The following AOPEP variants were observed in gnomAD, a reference collection of about 807,000 sequenced individuals.
AOPEP encodes aminopeptidase O.
Under a neutral mutation model 98.1 loss-of-function variants are expected in AOPEP, and 77 were observed. That is an observed-to-expected ratio of 0.78 (90% CI 0.65 to 0.95). The LOEUF (loss-of-function observed/expected upper bound fraction) is 0.95. Ranked by LOEUF, AOPEP falls within the 40% of genes least tolerant of loss-of-function variation. AOPEP has a pLI of 0.00. For synonymous variants in AOPEP, 346 were observed against 365.3 expected (o/e 0.95, Z 0.60); for missense variants, 1,024 against 1,024.7 (o/e 1.00, Z 0.01).
At chr9:94,998,022 T>C (rs544396476) in intron 11 of AOPEP, among the ~76,000 whole-genome samples, 1 of 152,166 alleles carries the variant, frequency 6.6e-6, no homozygotes, top group East Asian at 1.9e-4. Flanking sequence ...GGTTATAATG[T>C]CCATGAATAT....
chr9:95,044,318 T>C (rs371402367), intron 13 of AOPEP, among the ~76,000 whole-genome samples: 155 of 150,618 alleles, frequency 1.0e-3, no homozygotes, highest in African/African-American at 3.7e-3. Context: ...TGGGCACAAA[T>C]GGAAACTTAG....
At chr9:94,807,079 C>A (rs1588311785) in intron 5 of AOPEP, among the ~76,000 whole-genome samples, 1 of 152,248 alleles carries the variant, frequency 6.6e-6, no homozygotes, top group Middle Eastern at 3.4e-3. Flanking sequence ...CATTGAAGAT[C>A]AGCATTCACT....
Position 95,082,555 on chromosome 9 carries a change from T to C in AOPEP, c.2320-20T>C, listed in dbSNP as rs1251123996. On this transcript the variant is annotated intron_variant, in intron 15 of 16. Transcript: ENST00000375315. ...TACCCACACCTTCGCCTGATGCCCT[T>C]TGGCCTCTGTGCCCTGCAGGCCATG... 22 of 1,613,428 alleles carry C rather than the reference T, an allele frequency of 1.4e-5. No individual in the cohort carries two copies. Among genetic ancestry groups the C allele is most frequent in the Non-Finnish European group, 1.9e-5 (22 of 1,179,688 alleles).
chr9:95,119,215 A>T, the AOPEP span, among the ~76,000 whole-genome samples: 26 of 152,174 alleles, frequency 1.7e-4, no homozygotes, highest in Admixed American at 5.9e-4. Flanking sequence ...TATATATTCA[A>T]GTCTTTTGTC....
At chr9:95,099,604 C>T in the AOPEP span, 2 of 231,058 alleles carry the variant, frequency 8.7e-6, no homozygotes. Context: ...CAGCTCCCCA[C>T]CTTTGAGCAT....
At chr9:94,793,125 G>A (rs1315316805) in intron 4 of AOPEP, among the ~76,000 whole-genome samples, 1 of 152,190 alleles carries the variant, frequency 6.6e-6, no homozygotes, top group Admixed American at 6.5e-5. Flanking sequence ...CAACACTTTG[G>A]GAGGCCGAGG....
At chr9:94,916,256 G>A (rs942510260) in intron 5 of AOPEP, among the ~76,000 whole-genome samples, 2 of 152,152 alleles carry the variant, frequency 1.3e-5, no homozygotes, top group African/African-American at 4.8e-5. Flanking sequence ...GCCGTGGGGA[G>A]GTGAGGGAGT....
At chr9:94,776,395 G>A (rs773601015) in intron 3 of AOPEP, among the ~76,000 whole-genome samples, 18 of 152,200 alleles carry the variant, frequency 1.2e-4, no homozygotes, top group South Asian at 2.1e-4. Flanking sequence ...TCTGCTTTCC[G>A]GGTTCAAGCA....
Position 95,005,196 on chromosome 9 carries a change from G to A in AOPEP, c.2016G>A (p.Gly672=). 1 of 1,140,640 alleles carries A rather than the reference G, an allele frequency of 8.8e-7. No homozygotes were observed. The highest frequency in any genetic ancestry group is 3.5e-5 in the South Asian group (1 of 28,678). 70.7% of individuals were successfully genotyped at this position (1,140,640 alleles called of 1,614,324 possible). Residue 672 remains glycine (G), a synonymous_variant, in exon 12 of 17, where the codon GGG becomes GGA. Coordinates refer to ENST00000375315, the MANE Select transcript of AOPEP (RefSeq NM_001193329.3). The part of the protein sequence containing the change: ...QRERRAGAEC[G]LARQVRAEVT... The stretch of plus-strand genomic sequence containing the variant: ...AGCGTCGCGCCGGGGCGGAGTGCGG[G>A]CTTGCGCGGCAAGTGCGCGCCGAGG...
At chr9:94,858,191 T>C (rs2044475740) in intron 5 of AOPEP, among the ~76,000 whole-genome samples, 1 of 152,188 alleles carries the variant, frequency 6.6e-6, no homozygotes, top group Non-Finnish European at 1.5e-5. Context: ...AGGGTATGTA[T>C]AGTGGAAATG....
At chr9:94,916,123 T>C (rs1179961313) in intron 5 of AOPEP, among the ~76,000 whole-genome samples, 1 of 152,178 alleles carries the variant, frequency 6.6e-6, no homozygotes, top group Non-Finnish European at 1.5e-5. Context: ...GTTCTGGAAA[T>C]GGAGCAAAAC....
At chr9:95,027,236 T>G (rs755559724) in intron 13 of AOPEP, among the ~76,000 whole-genome samples, 11 of 152,026 alleles carry the variant, frequency 7.2e-5, no homozygotes, top group Non-Finnish European at 1.5e-4. Context: ...TACCCCAGTG[T>G]GGGTGACAGA....
intron 9 of AOPEP, among the ~76,000 whole-genome samples, chr9:94,962,409 G>A (rs2058905797): frequency 6.6e-6 from 1 of 152,216 alleles, no homozygotes. Context: ...CAGTTCACCA[G>A]TACTGCTACT....
At chr9:95,088,937 C>T (rs533536466), downstream of AOPEP, among the ~76,000 whole-genome samples, 11 of 152,340 alleles carry the variant, frequency 7.2e-5, no homozygotes, top group African/African-American at 2.4e-4. Flanking sequence ...TGCCAGGAGT[C>T]GGCCTTTGCT....
chr9:94,914,921 T>C (rs913111110), intron 5 of AOPEP, among the ~76,000 whole-genome samples: 1 of 152,228 alleles, frequency 6.6e-6, no homozygotes, highest in African/African-American at 2.4e-5. Flanking sequence ...AAATATTTCA[T>C]GGAACATACA....
chr9:94,965,719 A>G (rs1460315661), intron 9 of AOPEP, among the ~76,000 whole-genome samples: 1 of 152,176 alleles, frequency 6.6e-6, no homozygotes, highest in Non-Finnish European at 1.5e-5. Context: ...TCCTGTGTGA[A>G]GTCTGTGTCT....
At chr9:94,926,432 C>T (rs1206748166) in intron 6 of AOPEP, among the ~76,000 whole-genome samples, 1 of 152,188 alleles carries the variant, frequency 6.6e-6, no homozygotes, top group Admixed American at 6.5e-5. Context: ...CCCTCATCAT[C>T]CTTGGAGGTA....
intron 7 of AOPEP, among the ~76,000 whole-genome samples, chr9:94,929,201 C>T (rs993933013): frequency 9.8e-5 from 15 of 152,326 alleles, no homozygotes; most frequent in Middle Eastern, 3.4e-3. Context: ...CACCTCCCCT[C>T]CTCTTCCACT....
chr9:94,932,441 G>T, intron 7 of AOPEP: 1 of 187,660 alleles, frequency 5.3e-6, no homozygotes, highest in Non-Finnish European at 9.9e-6. Context: ...ACTGAGTCAT[G>T]AGGTTTCATC....
Sources: allele counts gnomAD v4.1 joint callset (sites outside exome capture counted in the v4.1 genomes callset), GRCh38; gene constraint gnomAD v4.1.1; transcripts MANE v1.5; gene names NCBI Gene and HGNC (gene_info 2026-07-23, HGNC 2026-07-21).